RICTOR: variants seen among roughly 807,000 people sequenced by gnomAD.
RICTOR encodes the protein rapamycin-insensitive companion of mTOR.
A neutral mutation model predicts 214.9 loss-of-function variants in RICTOR; 49 were observed. The ratio of observed to expected loss-of-function variants is 0.23; its 90% confidence interval spans 0.18 to 0.29. The LOEUF is 0.29. Among genes scored for constraint, RICTOR ranks in the 10% least tolerant of loss-of-function variants. RICTOR has a pLI of 1.00. For missense variants in RICTOR, 1,625 were observed against 2,047.0 expected (o/e 0.79, Z 3.98); for synonymous variants, 717 against 711.3 (o/e 1.01, Z -0.13).
At chr5:38,982,116 G>A (rs1751760699) in intron 7 of RICTOR, 80 bp from the exon 8 acceptor site, 2 of 1,042,802 alleles carry the variant, frequency 1.9e-6, no homozygotes, top group Non-Finnish European at 2.8e-6. Flanking sequence ...AAACTTAATT[G>A]CCTTTCTGAC....
At chr5:38,965,950 C>T (rs1037106835) in intron 15 of RICTOR, among the ~76,000 whole-genome samples, 16 of 152,042 alleles carry the variant, frequency 1.1e-4, no homozygotes, top group African/African-American at 3.9e-4. Context: ...TTTGTATTTA[C>T]TAACTAGTAA....
intron 3 of RICTOR, among the ~76,000 whole-genome samples, chr5:39,019,743 G>A (rs1297607699): frequency 6.6e-6 from 1 of 152,158 alleles, no homozygotes; most frequent in East Asian, 1.9e-4. Flanking sequence ...CCCATGAATC[G>A]GGGAATTGGG....
At position 38,994,451 on chromosome 5, in the gene RICTOR, A is replaced by AAAAACAAAG. The variant is rs1304761708; in HGVS notation, c.456+2367_456+2368insCTTTGTTTT. Among the ~76,000 whole-genome samples, 2 of 101,546 alleles carry AAAAACAAAG rather than the reference A, an allele frequency of 2.0e-5. 1 individual carries two copies. The highest frequency in any genetic ancestry group is 3.8e-5 in the Non-Finnish European group (2 of 52,070). The allele number at this position is 101,546 out of a possible 152,430, so 66.6% of individuals were successfully genotyped here. A position where few individuals can be genotyped will look rare whatever the true frequency, so the allele number is the denominator to read the frequency against. The stretch of plus-strand genomic sequence containing the variant: ...AAAAAAAAAAAAAAAAAAAAAAAAA[A>AAAAACAAAG]AGTGCTTCAGATGCCAAAAGCACTA... On this transcript the variant is annotated intron_variant, in intron 6 of 37. Coordinates refer to ENST00000357387, the MANE Select transcript of RICTOR (RefSeq NM_152756.5).
At position 38,990,749 on chromosome 5, in the gene RICTOR, T is replaced by TATATCAG. The variant is rs1293324035; in HGVS notation, c.583+199_583+200insCTGATAT. Among the ~76,000 whole-genome samples the TATATCAG allele has an allele frequency of 5.1e-4, 60 of 117,478 alleles. 3 individuals carry two copies. The highest frequency in any genetic ancestry group is 8.1e-4 in the African/African-American group (25 of 30,682). 77.1% of individuals were successfully genotyped at this position (117,478 alleles called of 152,430 possible). A position where few individuals can be genotyped will look rare whatever the true frequency, so the allele number is the denominator to read the frequency against. Reference sequence around the variant, plus strand: ...TATCATATATATGATATATATGAGATATATGATATATATGAGATATATGAT... The same window carrying TATATCAG: ...TATCATATATATGATATATATGAGATATATCAGATATGATATATATGAGATATATGAT... On this transcript the variant is annotated intron_variant, in intron 7 of 37. Coordinates refer to ENST00000357387, the MANE Select transcript of RICTOR (RefSeq NM_152756.5).
At chr5:38,958,319 A>G (rs1028546532) in intron 24 of RICTOR, 124 bp downstream of exon 24, 1 of 664,906 alleles carries the variant, frequency 1.5e-6, no homozygotes, top group Non-Finnish European at 2.7e-6. Context: ...ATGAAAAGAC[A>G]ATGTTTCAAT....
chr5:38,962,950 T>C lies in RICTOR; in HGVS notation c.1492A>G (p.Ile498Val). ...KPYSLHLDHI[I>V]QKAIATHQKR... is the part of the protein sequence containing the mutation. ...TGGTGTGTTGCAATTGCTTTCTGAA[T>C]AATGTGGTCTAAATGAAGACTATAA... The change falls in exon 17 of 38, where the codon ATT (isoleucine) becomes GTT (valine). Residue 498 changes from isoleucine to valine, a missense_variant. By Grantham distance (29) the Ile-to-Val change is conservative. Transcript: ENST00000357387. The C allele has an allele frequency of 6.2e-7, 1 of 1,612,662 alleles. No individual in the cohort carries two copies. The highest frequency in any genetic ancestry group is 8.5e-7 in the Non-Finnish European group (1 of 1,178,804).
chr5:38,970,172 G>C (rs1369424376), intron 11 of RICTOR: 3 of 151,964 alleles, frequency 2.0e-5, no homozygotes, highest in Non-Finnish European at 4.4e-5. Context: ...AAGTACTCTG[G>C]GATGTTCACA....
rs1440436910 is a variant in RICTOR at position 38,997,758 on chromosome 5, C to T, written c.393-876G>A. Among the ~76,000 whole-genome samples, 3 of 152,152 alleles carry T rather than the reference C, an allele frequency of 2.0e-5. No individual in the cohort carries two copies. The East Asian group carries it at 5.8e-4, about 29-fold the overall frequency. On this transcript the variant is annotated intron_variant, in intron 5 of 37. Coordinates refer to ENST00000357387, the MANE Select transcript of RICTOR (RefSeq NM_152756.5). ...AGCTCCACATTCAACCACATTTGTT[C>T]CCTGGGTGCATCTGTCAATGTCAAT...
chr5:38,980,214 C>A (rs1313396481), intron 8 of RICTOR, among the ~76,000 whole-genome samples: 1 of 152,072 alleles, frequency 6.6e-6, no homozygotes, highest in Non-Finnish European at 1.5e-5. Context: ...ATCTGAATCA[C>A]CTGCAAGCAT....
rs373982836 is a variant in RICTOR at position 38,975,524 on chromosome 5, T to A, written c.889+13A>T. Reference sequence around the variant, plus strand: ...TCTTCTTGGATGTTATAAAGCAATGTAGAGTAACCTACCTGCCCATGATCG... The same window carrying A: ...TCTTCTTGGATGTTATAAAGCAATGAAGAGTAACCTACCTGCCCATGATCG... On this transcript the variant is annotated intron_variant, in intron 10 of 37. Coordinates refer to ENST00000357387, the MANE Select transcript of RICTOR (RefSeq NM_152756.5). 5 of 1,593,078 alleles carry A rather than the reference T, an allele frequency of 3.1e-6. No individual in the cohort carries two copies. The highest frequency in any genetic ancestry group is 2.2e-5 in the East Asian group (1 of 44,768).
intron 7 of RICTOR, among the ~76,000 whole-genome samples, chr5:38,988,535 A>G (rs983168129): frequency 6.6e-6 from 1 of 151,988 alleles, no homozygotes; most frequent in African/African-American, 2.4e-5. Flanking sequence ...TTTGCTTTCC[A>G]CTTGCTTGGT....
At chr5:38,977,762 T>C (rs2150053384) in intron 9 of RICTOR, among the ~76,000 whole-genome samples, 1 of 152,104 alleles carries the variant, frequency 6.6e-6, no homozygotes, top group Non-Finnish European at 1.5e-5. Flanking sequence ...TTTTTTTGTA[T>C]TTTTAGTAGA....
At chr5:38,980,223 A>G (rs138419069) in intron 8 of RICTOR, among the ~76,000 whole-genome samples, 28 of 152,072 alleles carry the variant, frequency 1.8e-4, no homozygotes, top group African/African-American at 6.5e-4. Context: ...ACCTGCAAGC[A>G]TGTTTCTATG....
chr5:38,959,869 G>A lies in RICTOR; in HGVS notation c.1961C>T (p.Thr654Ile). Residue 654 changes from threonine to isoleucine, a missense_variant, in exon 21 of 38, where the codon ACC becomes ATC. Physicochemically the swap from Thr to Ile is moderately conservative, Grantham distance 89. Transcript: ENST00000357387. ...AAATAAAAAGTAGTGTTGACTAAGG[G>A]TGGTCAATAAACCATTATTTTGAAG... is the stretch of plus-strand genomic sequence containing the variant. ...RSLQNNGLLT[T>I]LSQHYFLFIG... The A allele has an allele frequency of 1.2e-6, 2 of 1,612,102 alleles. No individual in the cohort carries two copies. Among genetic ancestry groups the A allele is most frequent in the Non-Finnish European group, 1.7e-6 (2 of 1,178,358 alleles).
chr5:39,024,277 G>C (rs1755644832), intron 2 of RICTOR, among the ~76,000 whole-genome samples: 1 of 152,182 alleles, frequency 6.6e-6, no homozygotes, highest in Non-Finnish European at 1.5e-5. Context: ...TCAGGGGCTA[G>C]AGACTTCTGG....
chr5:38,993,407 AC>A (rs1384597021), intron 6 of RICTOR, among the ~76,000 whole-genome samples: 1 of 152,148 alleles, frequency 6.6e-6, no homozygotes, highest in Non-Finnish European at 1.5e-5. Flanking sequence ...TGGAAAAATT[AC>A]ATTAAAAATG....
intron 5 of RICTOR, 101 bp from the exon 6 acceptor site, chr5:38,996,983 G>T (rs190024610): frequency 2.6e-6 from 2 of 762,158 alleles, no homozygotes; most frequent in South Asian, 1.5e-5. Context: ...ATGTCAATAT[G>T]GTATATTATT....
At chr5:39,022,867 ATCC>A (rs2150138307) in intron 2 of RICTOR, among the ~76,000 whole-genome samples, 1 of 152,328 alleles carries the variant, frequency 6.6e-6, no homozygotes, top group South Asian at 2.1e-4. Context: ...AAGGACCCAA[ATCC>A]TCCTCATAAG....
At position 39,038,791 on chromosome 5, in the gene RICTOR, A is replaced by C. The variant is rs1756939439; in HGVS notation, c.98-17655T>G. ...GAAGGACCTCTTCAAGGAGAACTAC[A>C]AACCACTGCTCAATGAAATAAAAGA... On this transcript the variant is annotated intron_variant, in intron 2 of 37. Coordinates refer to ENST00000357387, the MANE Select transcript of RICTOR (RefSeq NM_152756.5). 2.0e-5 allele frequency among the ~76,000 whole-genome samples: 3 copies of C among 152,324 alleles called. 1 individual carries two copies. The South Asian group carries it at 6.2e-4, about 32-fold the overall frequency.
Sources: allele counts gnomAD v4.1 joint callset (sites outside exome capture counted in the v4.1 genomes callset), GRCh38; gene constraint gnomAD v4.1.1; transcripts MANE v1.5; gene names NCBI Gene and HGNC (gene_info 2026-07-23, HGNC 2026-07-21).